Variants in CEP128 observed in about 807,000 individuals in gnomAD.
The protein encoded by CEP128 is centrosomal protein 128, also known as centrosomal protein 128kDa.
Under a neutral mutation model 156.7 loss-of-function variants are expected in CEP128, and 132 were observed. The observed-to-expected ratio is 0.84, with a 90% CI of 0.73 to 0.97. The LOEUF (loss-of-function observed/expected upper bound fraction) is 0.97. CEP128 is among the 50% of genes least tolerant of loss of function. The pLI is 0.00. For missense variants in CEP128, 1,252 were observed against 1,281.9 expected, an observed-to-expected ratio of 0.98 and a Z score of 0.36; for synonymous variants, 469 against 448.9, an observed-to-expected ratio of 1.04 and a Z score of -0.57.
chr14:80,810,354 TACAAAACAGCC>T (rs1884453745), intron 13 of CEP128, among the ~76,000 whole-genome samples: 1 of 99,068 alleles, frequency 1.0e-5, no homozygotes, highest in Non-Finnish European at 2.2e-5. Context: ...AAAAAGAATA[TACAAAACAGCC>T]AGAAAACAAT....
chr14:80,810,629 T>C (rs1432833888), intron 13 of CEP128, among the ~76,000 whole-genome samples: 4 of 152,160 alleles, frequency 2.6e-5, no homozygotes. Flanking sequence ...CTGGTTTTGG[T>C]AACAGAGTAA....
chr14:80,645,155 A>AT (rs1894582359), intron 19 of CEP128, among the ~76,000 whole-genome samples: 2 of 152,156 alleles, frequency 1.3e-5, no homozygotes, highest in African/African-American at 4.8e-5. Context: ...AACTAAATAT[A>AT]ATATATAATA....
intron 8 of CEP128, among the ~76,000 whole-genome samples, chr14:80,881,603 C>A (rs1888556292): frequency 1.3e-5 from 2 of 151,950 alleles, no homozygotes; most frequent in African/African-American, 4.8e-5. Context: ...ATACCAAAAC[C>A]AGATAAAGAC....
intron 13 of CEP128, among the ~76,000 whole-genome samples, chr14:80,828,123 C>CTTTTTT (rs1008856396): frequency 7.9e-5 from 10 of 126,976 alleles, no homozygotes; most frequent in African/African-American, 9.4e-5. Context: ...CTTCTTTTTT[C>CTTTTTT]TTTTTTTTTT....
At chr14:80,905,181 T>C (rs1230535162) in intron 5 of CEP128, among the ~76,000 whole-genome samples, 1 of 76,058 alleles carries the variant, frequency 1.3e-5, no homozygotes, top group Middle Eastern at 6.2e-3. Context: ...CAATTTGTTA[T>C]ACTCTCCAAG....
chr14:80,550,734 T>G (rs886249778), intron 21 of CEP128, among the ~76,000 whole-genome samples: 1 of 151,396 alleles, frequency 6.6e-6, no homozygotes, highest in Non-Finnish European at 1.5e-5. Flanking sequence ...GTGTTATACA[T>G]TTTTATAGAC....
chr14:80,573,333 ATG>A (rs1038573519), intron 20 of CEP128, among the ~76,000 whole-genome samples: 1 of 152,072 alleles, frequency 6.6e-6, no homozygotes, highest in Non-Finnish European at 1.5e-5. Context: ...TTTCCAAATG[ATG>A]TGTGTGTTTT....
At chr14:80,589,845 A>G (rs1001087646) in intron 19 of CEP128, among the ~76,000 whole-genome samples, 4 of 152,158 alleles carry the variant, frequency 2.6e-5, no homozygotes, top group Admixed American at 2.6e-4. Context: ...GACAACATCT[A>G]TAAGAAACTA....
At chr14:80,617,650 T>C (rs970001399) in intron 19 of CEP128, among the ~76,000 whole-genome samples, 9 of 152,156 alleles carry the variant, frequency 5.9e-5, no homozygotes, top group African/African-American at 2.2e-4. Context: ...TGACACAAAA[T>C]GCTTGTTTTT....
chr14:80,801,701 G>C (rs1044383082), intron 13 of CEP128, among the ~76,000 whole-genome samples: 1 of 151,936 alleles, frequency 6.6e-6, no homozygotes, highest in Non-Finnish European at 1.5e-5. Flanking sequence ...AAGGTCAGGA[G>C]TTTGAGATCA....
chr14:80,838,433 C>T (rs1453785924), intron 10 of CEP128, among the ~76,000 whole-genome samples, 155 bp from the exon 11 acceptor site: 1 of 152,062 alleles, frequency 6.6e-6, no homozygotes, highest in Non-Finnish European at 1.5e-5. Context: ...GAACATATAT[C>T]AATACTTCCA....
chr14:80,532,759 A>G (rs1287871483), intron 21 of CEP128, among the ~76,000 whole-genome samples: 2 of 152,090 alleles, frequency 1.3e-5, no homozygotes, highest in South Asian at 2.1e-4. Context: ...CTACTTTTCA[A>G]TGTTCTGTGA....
At chr14:80,951,341 A>G (rs1052820793) in intron 2 of CEP128, among the ~76,000 whole-genome samples, 5 of 152,162 alleles carry the variant, frequency 3.3e-5, no homozygotes, top group Admixed American at 1.3e-4. Flanking sequence ...ATGGAAGCAT[A>G]AAGGTTAGGC....
intron 15 of CEP128, among the ~76,000 whole-genome samples, chr14:80,780,790 C>CCT (rs1386452618): frequency 6.6e-6 from 1 of 152,186 alleles, no homozygotes; most frequent in African/African-American, 2.4e-5. Context: ...AACTTATAGC[C>CCT]ACTGAGCATC....
At chr14:80,495,871 T>C (rs771258505), downstream of CEP128, among the ~76,000 whole-genome samples, 6 of 152,208 alleles carry the variant, frequency 3.9e-5, no homozygotes, top group Non-Finnish European at 8.8e-5. Context: ...GATAAAATAC[T>C]TTGATGTTGG....
At chr14:80,806,533 C>T (rs1259438897) in intron 13 of CEP128, among the ~76,000 whole-genome samples, 1 of 152,128 alleles carries the variant, frequency 6.6e-6, no homozygotes, top group Non-Finnish European at 1.5e-5. Flanking sequence ...ATCTCACACC[C>T]TATTAGACTG....
intron 8 of CEP128, among the ~76,000 whole-genome samples, chr14:80,891,907 T>A (rs1242935024): frequency 6.6e-6 from 1 of 151,752 alleles, no homozygotes; most frequent in Non-Finnish European, 1.5e-5. Context: ...ATGAAAGAAA[T>A]TGAAGACAAA....
At chr14:80,677,680 T>C (rs1019625079) in intron 19 of CEP128, among the ~76,000 whole-genome samples, 20 of 151,622 alleles carry the variant, frequency 1.3e-4, no homozygotes, top group Middle Eastern at 3.4e-3. Flanking sequence ...TCACCTAGAG[T>C]TGGTGAAATG....
chr14:80,866,393 C>A (rs1222378410), intron 8 of CEP128, among the ~76,000 whole-genome samples: 1 of 152,134 alleles, frequency 6.6e-6, no homozygotes, highest in Non-Finnish European at 1.5e-5. Context: ...CCCAGAGGAG[C>A]CAGGATCCAG....
Sources: allele counts gnomAD v4.1 joint callset (sites outside exome capture counted in the v4.1 genomes callset), GRCh38; gene constraint gnomAD v4.1.1; transcripts MANE v1.5; gene names NCBI Gene and HGNC (gene_info 2026-07-23, HGNC 2026-07-21).